DROSHA: variants seen among roughly 807,000 people sequenced by gnomAD.
The protein encoded by DROSHA is ribonuclease 3.
DROSHA carries 56 observed loss-of-function variants against 181.9 expected under a neutral mutation model. The ratio of observed to expected loss-of-function variants is 0.31; its 90% CI spans 0.25 to 0.38. The LOEUF is 0.38. Among genes scored for constraint, DROSHA ranks in the 10% least tolerant of loss-of-function variants. The pLI is 1.00. For missense variants in DROSHA, 1,218 were observed against 1,743.5 expected, an observed-to-expected ratio of 0.70 and a Z score of 5.37; for synonymous variants, 524 against 591.2, an observed-to-expected ratio of 0.89 and a Z score of 1.65.
chr5:31,508,846 T>G, intron 9 of DROSHA, 71 bp from the exon 10 acceptor site: 1 of 1,160,780 alleles, frequency 8.6e-7, no homozygotes. Context: ...TTCCCTGAGT[T>G]GGAGTCTCGC....
In DROSHA at chr5:31,411,872, C is replaced by A. The variant is rs920016041; in HGVS notation, c.3526-985G>T. On this transcript the variant is annotated intron_variant, in intron 30 of 35. Transcript: ENST00000344624. The surrounding 1 kb of genome is among the most constrained non-coding windows in gnomAD (Gnocchi z 4.2). Reference sequence around the variant, plus strand: ...GAACTCCAGAGCTCAAGTGATCCACCCACCTTGACCTTTCAAAGTGTTGGG... The same window carrying A: ...GAACTCCAGAGCTCAAGTGATCCACACACCTTGACCTTTCAAAGTGTTGGG... 6.6e-6 allele frequency among the ~76,000 whole-genome samples: 1 copy of A among 152,200 alleles called. No individual in the cohort carries two copies. The highest frequency in any genetic ancestry group is 6.5e-5 in the Admixed American group (1 of 15,286).
intron 9 of DROSHA, among the ~76,000 whole-genome samples, chr5:31,510,746 C>T (rs1738576157): frequency 6.6e-6 from 1 of 152,210 alleles, no homozygotes; most frequent in African/African-American, 2.4e-5. Context: ...GCATGGGCTC[C>T]TGCTCTCGGA....
At chr5:31,493,133 T>C (rs1387397655) in intron 13 of DROSHA, 74 bp downstream of exon 13, 1 of 1,407,608 alleles carries the variant, frequency 7.1e-7, no homozygotes, top group Non-Finnish European at 9.8e-7. Context: ...TGACAGGAAA[T>C]GTTTTGACTT....
At chr5:31,505,939 C>T (rs1737883624) in intron 10 of DROSHA, among the ~76,000 whole-genome samples, 1 of 152,024 alleles carries the variant, frequency 6.6e-6, no homozygotes, top group Non-Finnish European at 1.5e-5. Context: ...TTTCTTTAGC[C>T]TCTTGGGAAA....
intron 25 of DROSHA, among the ~76,000 whole-genome samples, chr5:31,434,251 T>C (rs1406986094): frequency 6.6e-6 from 1 of 152,204 alleles, no homozygotes; most frequent in Non-Finnish European, 1.5e-5. Flanking sequence ...TCCCTACAAG[T>C]GTTTGAAAAA....
rs2150056496 is a variant in DROSHA at position 31,514,397 on chromosome 5, T to C, written c.1290+591A>G. Among the ~76,000 whole-genome samples, 1 of 152,080 alleles carries C rather than the reference T, an allele frequency of 6.6e-6. No individual in the cohort carries two copies. Among genetic ancestry groups the C allele is most frequent in the Non-Finnish European group, 1.5e-5 (1 of 68,010 alleles). On this transcript the variant is annotated intron_variant, in intron 8 of 35. Transcript: ENST00000344624. The surrounding 1 kb of genome is among the most constrained non-coding windows in gnomAD (Gnocchi z 4.4). ...GGCTCACACCTGTAATCCCAGCACT[T>C]TGGGAGGCCAAGGCAGGAGGATTGC...
intron 16 of DROSHA, among the ~76,000 whole-genome samples, chr5:31,479,188 G>T (rs1750738005): frequency 1.3e-5 from 2 of 151,894 alleles, no homozygotes; most frequent in Admixed American, 6.6e-5. Flanking sequence ...AAGAAAAAAA[G>T]CATAATTCTC....
chr5:31,449,175 A>G, intron 22 of DROSHA, 106 bp downstream of exon 22: 1 of 1,411,316 alleles, frequency 7.1e-7, no homozygotes, highest in South Asian at 1.4e-5. Flanking sequence ...AGAATATGAG[A>G]CGGTGAAAGA....
chr5:31,465,953 C>T (rs1279606267), intron 19 of DROSHA, among the ~76,000 whole-genome samples: 1 of 152,092 alleles, frequency 6.6e-6, no homozygotes, highest in Non-Finnish European at 1.5e-5. Context: ...TCAGGTATTC[C>T]TTTAGAGGAA....
intron 5 of DROSHA, among the ~76,000 whole-genome samples, chr5:31,521,654 T>C (rs1270422666): frequency 6.6e-6 from 1 of 152,190 alleles, no homozygotes; most frequent in Non-Finnish European, 1.5e-5. Flanking sequence ...GGTTCTATAA[T>C]GAAAGAGCTC....
intron 11 of DROSHA, among the ~76,000 whole-genome samples, chr5:31,503,266 G>T (rs980946734): frequency 2.0e-5 from 3 of 152,124 alleles, no homozygotes; most frequent in Non-Finnish European, 1.5e-5. Context: ...GCTTATCAAG[G>T]CTAAGCTATA....
chr5:31,529,902 CATGA>C (rs1741071182), intron 3 of DROSHA, among the ~76,000 whole-genome samples: 1 of 152,246 alleles, frequency 6.6e-6, no homozygotes, highest in East Asian at 1.9e-4. Context: ...ACACTGTAAA[CATGA>C]ATGATTTTCC....
chr5:31,419,871 T>A (rs909002914), intron 30 of DROSHA, among the ~76,000 whole-genome samples: 2 of 152,212 alleles, frequency 1.3e-5, no homozygotes, highest in Non-Finnish European at 2.9e-5. Context: ...GATACTATAG[T>A]TCATTTCTCA....
intron 35 of DROSHA, among the ~76,000 whole-genome samples, chr5:31,401,974 C>T (rs1055116275): frequency 6.6e-6 from 1 of 152,104 alleles, no homozygotes; most frequent in Non-Finnish European, 1.5e-5. Context: ...AAACTAAAAA[C>T]TTCAAACAAA....
chr5:31,417,161 C>T (rs1045690874), intron 30 of DROSHA, among the ~76,000 whole-genome samples: 2 of 151,956 alleles, frequency 1.3e-5, no homozygotes, highest in Admixed American at 6.6e-5. Flanking sequence ...TGAACAGAGA[C>T]CTGAAGGAGG....
Position 31,433,197 on chromosome 5 carries a change from A to G in DROSHA, c.3043-1519T>C, listed in dbSNP as rs142871179. On this transcript the variant is annotated intron_variant, in intron 25 of 35. Coordinates refer to ENST00000344624, the MANE Select transcript of DROSHA (RefSeq NM_001382508.1). ...TTGGAAAAACACAAAGACAATAAAA[A>G]TAAGACATATATGCTGTAGTATTTT... Among the ~76,000 whole-genome samples, 14 of 152,362 alleles carry G rather than the reference A, an allele frequency of 9.2e-5. No homozygotes were observed. In the East Asian group the frequency reaches 2.7e-3, roughly 29 times the overall value.
chr5:31,466,147 T>C (rs371137813), intron 19 of DROSHA, 35 bp downstream of exon 19: 1 of 1,593,254 alleles, frequency 6.3e-7, no homozygotes, highest in Non-Finnish European at 8.6e-7. Context: ...AAGCACATCA[T>C]CGTTAATCAC....
intron 12 of DROSHA, among the ~76,000 whole-genome samples, chr5:31,493,667 T>A (rs1752640540): frequency 6.6e-6 from 1 of 152,100 alleles, no homozygotes; most frequent in African/African-American, 2.4e-5. Flanking sequence ...CTGACTCAAA[T>A]GCAAAGTGGA....
chr5:31,431,552 C>G (rs532633777), intron 26 of DROSHA, 24 bp downstream of exon 26: 1 of 1,606,590 alleles, frequency 6.2e-7, no homozygotes, highest in Non-Finnish European at 8.5e-7. Context: ...AGAAAGTAGA[C>G]TTCTTGAAGA....
Sources: gnomAD v4.1 joint callset for allele counts (sites outside exome capture counted in the v4.1 genomes callset) on GRCh38, gnomAD v4.1.1 for gene constraint, Gnocchi (gnomAD v3.1) non-coding constraint, MANE v1.5 for transcripts, NCBI Gene and HGNC (gene_info 2026-07-23, HGNC 2026-07-21) for gene names.